The following SEMA5A variants were observed in gnomAD, a reference collection of about 807,000 sequenced individuals.
The protein encoded by SEMA5A is semaphorin-5A.
SEMA5A carries 55 observed loss-of-function variants against 135.5 expected under a neutral mutation model. That is an observed-to-expected ratio of 0.41 (90% CI 0.33 to 0.51). The LOEUF (loss-of-function observed/expected upper bound fraction) is 0.51. Ranked by LOEUF, SEMA5A falls within the 20% of genes least tolerant of loss-of-function variation. The pLI, the probability that SEMA5A is intolerant of heterozygous loss-of-function variation, is 0.37. For missense variants in SEMA5A, 1,290 were observed against 1,419.9 expected, an observed-to-expected ratio of 0.91 and a Z score of 1.47; for synonymous variants, 580 against 546.5, an observed-to-expected ratio of 1.06 and a Z score of -0.85.
chr5:9,379,839 T>C lies in SEMA5A; in HGVS notation c.108A>G (p.Pro36=), dbSNP rs745632035. Residue 36 remains proline (P), a synonymous_variant, in exon 3 of 23, where the codon CCA becomes CCG. Transcript: ENST00000382496. ...GTTQCQRTEH[P]VISYKEIGPW... The stretch of plus-strand genomic sequence containing the variant: ...GTTCCTTACCTTTATAGGAGATGAC[T>C]GGATGCTCGGTTCTCTGGCACTGAG... 1.2e-6 allele frequency: 2 copies of C among 1,614,056 alleles called. No homozygotes were observed. The highest frequency in any genetic ancestry group is 1.7e-6 in the Non-Finnish European group (2 of 1,179,998).
At chr5:9,173,402 T>TG (rs762805338) in intron 11 of SEMA5A, among the ~76,000 whole-genome samples, 78 of 151,192 alleles carry the variant, frequency 5.2e-4, no homozygotes, top group Non-Finnish European at 9.0e-4. Context: ...TACCATAGAC[T>TG]GGGGGGGTTA....
In SEMA5A at chr5:9,036,795, T is replaced by C; in HGVS notation, c.*6102A>G. On this transcript the variant is annotated 3_prime_UTR_variant, in exon 23 of 23. Transcript: ENST00000382496. ...CTTCTCCTTCTAATTAGACCAATAA[T>C]ATCCACATGAAATGATAAATGATCA... The C allele has an allele frequency of 6.6e-6, 1 of 152,598 alleles. No individual in the cohort carries two copies. 9.5% of individuals were successfully genotyped at this position (152,598 alleles called of 1,614,324 possible). A position where few individuals can be genotyped will look rare whatever the true frequency, so the allele number is the denominator to read the frequency against.
intron 3 of SEMA5A, among the ~76,000 whole-genome samples, chr5:9,353,085 A>AAGG (rs1401364098): frequency 0.18 from 2,322 of 13,228 alleles, 365 homozygotes; most frequent in East Asian, 0.41. Flanking sequence ...AAAGGAAAGG[A>AAGG]AAGGAAAGGA....
rs1030727418 is a variant in SEMA5A, at chr5:9,304,981, C to A, written c.270+13391G>T. Among the ~76,000 whole-genome samples, 5 of 152,236 alleles carry A rather than the reference C, an allele frequency of 3.3e-5. No homozygotes were observed. In the East Asian group the frequency reaches 5.8e-4, roughly 18 times the overall value. ...AAATGCATTCAAACACCTCAGATAT[C>A]CCATTATTGATATCCTCCTGGAAAG... On this transcript the variant is annotated intron_variant, in intron 5 of 22. Coordinates refer to ENST00000382496, the MANE Select transcript of SEMA5A (RefSeq NM_003966.3).
intron 12 of SEMA5A, among the ~76,000 whole-genome samples, chr5:9,144,447 C>T (rs1202529046): frequency 6.6e-6 from 1 of 152,148 alleles, no homozygotes; most frequent in Non-Finnish European, 1.5e-5. Context: ...AGTTTGACTG[C>T]AATTGAGTGG....
intron 9 of SEMA5A, among the ~76,000 whole-genome samples, chr5:9,199,423 C>T (rs1409403359): frequency 6.6e-6 from 1 of 152,018 alleles, no homozygotes; most frequent in Non-Finnish European, 1.5e-5. Context: ...CTCTGCCCTC[C>T]CCGCTCTTCC....
At chr5:9,069,379 AAAC>A (rs147139093) in intron 16 of SEMA5A, among the ~76,000 whole-genome samples, 14,717 of 152,170 alleles carry the variant, frequency 0.097, 837 homozygotes, top group African/African-American at 0.14. Context: ...TACTTTTTAA[AAAC>A]AACATGGTTC....
chr5:9,218,864 C>A (rs1471724564), intron 8 of SEMA5A, among the ~76,000 whole-genome samples: 1 of 152,222 alleles, frequency 6.6e-6, no homozygotes, highest in Non-Finnish European at 1.5e-5. Flanking sequence ...AATAATCACT[C>A]ATTTATTCAG....
chr5:9,118,860 G>A (rs1402548205), intron 15 of SEMA5A, 138 bp downstream of exon 15: 6 of 1,095,862 alleles, frequency 5.5e-6, no homozygotes, highest in East Asian at 2.6e-5. Flanking sequence ...AGGAAAAGAA[G>A]AGGACGACTG....
chr5:9,270,595 C>T (rs556107308), intron 5 of SEMA5A, among the ~76,000 whole-genome samples: 2 of 152,070 alleles, frequency 1.3e-5, no homozygotes, highest in South Asian at 4.2e-4. Context: ...ACACAGCATT[C>T]ACTTTGGGAG....
At position 9,226,864 on chromosome 5, in the gene SEMA5A, C is replaced by CT; in HGVS notation, c.432+4_432+5insA. The CT allele has an allele frequency of 6.2e-7, 1 of 1,601,218 alleles. No individual in the cohort carries two copies. The highest frequency in any genetic ancestry group is 8.5e-7 in the Non-Finnish European group (1 of 1,172,536). On this transcript the variant is annotated splice_donor_region_variant and intron_variant, in intron 7 of 22. Transcript: ENST00000382496. Reference sequence around the variant, plus strand: ...ATTCTTTTGAGGCACAAAAAGAAGCCATACCGAGCGGTTGGTGCAGACAGG... The same window carrying CT: ...ATTCTTTTGAGGCACAAAAAGAAGCCTATACCGAGCGGTTGGTGCAGACAGG...
intron 17 of SEMA5A, among the ~76,000 whole-genome samples, chr5:9,065,032 AT>A (rs1484142321): frequency 6.6e-6 from 1 of 152,192 alleles, no homozygotes; most frequent in African/African-American, 2.4e-5. Context: ...AGTGACTATT[AT>A]TTTGTTACCC....
intron 2 of SEMA5A, among the ~76,000 whole-genome samples, chr5:9,417,995 G>A (rs565431135): frequency 2.2e-5 from 3 of 137,232 alleles, no homozygotes; most frequent in East Asian, 2.1e-4. Flanking sequence ...TTTTTTTTTC[G>A]AGATGGAGTC....
At chr5:9,460,216 C>T (rs1759004051) in intron 1 of SEMA5A, among the ~76,000 whole-genome samples, 1 of 152,056 alleles carries the variant, frequency 6.6e-6, no homozygotes, top group Non-Finnish European at 1.5e-5. Context: ...TGATTGTTGA[C>T]CAGGCATCAG....
Position 9,154,715 on chromosome 5 carries a change from A to G in SEMA5A, c.1274-20T>C. On this transcript the variant is annotated intron_variant, in intron 11 of 22. Coordinates refer to ENST00000382496, the MANE Select transcript of SEMA5A (RefSeq NM_003966.3). ...CGTAATCTATGAAGGTCACAGGATGAAAAGGAAACAAGGTCAGAGGGTCTC... is the reference window on the plus strand; with the variant it reads ...CGTAATCTATGAAGGTCACAGGATGGAAAGGAAACAAGGTCAGAGGGTCTC... 1 of 1,607,534 alleles carries G rather than the reference A, an allele frequency of 6.2e-7. No homozygotes were observed. The highest frequency in any genetic ancestry group is 8.5e-7 in the Non-Finnish European group (1 of 1,174,342).
intron 1 of SEMA5A, among the ~76,000 whole-genome samples, chr5:9,525,485 A>C (rs1033659683): frequency 6.6e-6 from 1 of 152,252 alleles, no homozygotes; most frequent in African/African-American, 2.4e-5. Flanking sequence ...TCAATGCAAC[A>C]GTTCAAGCTA....
intron 16 of SEMA5A, among the ~76,000 whole-genome samples, chr5:9,068,424 G>A (rs1160938336): frequency 6.6e-6 from 1 of 152,188 alleles, no homozygotes; most frequent in African/African-American, 2.4e-5. Context: ...GAGCCATGGA[G>A]GATCTGGGAG....
chr5:9,374,034 C>T (rs1723849181), intron 3 of SEMA5A, among the ~76,000 whole-genome samples: 1 of 152,144 alleles, frequency 6.6e-6, no homozygotes, highest in African/African-American at 2.4e-5. Context: ...ACTATTTTTC[C>T]CCTCTTTATT....
chr5:9,126,858 T>C (rs1741142577), intron 13 of SEMA5A, among the ~76,000 whole-genome samples: 1 of 152,178 alleles, frequency 6.6e-6, no homozygotes, highest in Admixed American at 6.5e-5. Context: ...TGCAATGTTA[T>C]CTATAGGGGT....
Sources: allele counts gnomAD v4.1 joint callset (sites outside exome capture counted in the v4.1 genomes callset), GRCh38; gene constraint gnomAD v4.1.1; transcripts MANE v1.5; gene names NCBI Gene and HGNC (gene_info 2026-07-23, HGNC 2026-07-21).